PRELID2: variants seen among roughly 807,000 people sequenced by gnomAD.
PRELID2 encodes the protein PRELI domain-containing protein 2.
In PRELID2, 25 loss-of-function variants were observed where a neutral mutation model predicts 28.4. The observed-to-expected ratio is 0.88, with a 90% CI of 0.64 to 1.23. PRELID2 has a LOEUF of 1.23. PRELID2 is among the 50% of genes most tolerant of loss of function. The pLI is 0.00. For synonymous variants in PRELID2, 76 were observed against 71.6 expected (o/e 1.06, Z -0.31); for missense variants, 201 against 214.4 (o/e 0.94, Z 0.39).
chr5:145,443,788 C>T, the PRELID2 span, among the ~76,000 whole-genome samples: 1 of 152,118 alleles, frequency 6.6e-6, no homozygotes, highest in East Asian at 1.9e-4. Flanking sequence ...GTGACTTTCC[C>T]AGGCTCACAT....
intron 1 of PRELID2, among the ~76,000 whole-genome samples, chr5:145,640,961 G>A (rs1440454355): frequency 6.6e-6 from 1 of 152,152 alleles, no homozygotes; most frequent in Non-Finnish European, 1.5e-5. Context: ...TGATCTCAAT[G>A]TTGTAAAATA....
At chr5:145,606,261 C>G (rs1405601718) in intron 1 of PRELID2, among the ~76,000 whole-genome samples, 1 of 152,096 alleles carries the variant, frequency 6.6e-6, no homozygotes, top group Non-Finnish European at 1.5e-5. Flanking sequence ...CCTTTTATCT[C>G]TTTCTCTTGC....
the PRELID2 span, among the ~76,000 whole-genome samples, chr5:145,396,615 G>T: frequency 7.2e-5 from 11 of 151,910 alleles, no homozygotes; most frequent in Admixed American, 7.2e-4. Context: ...CTAAATATGA[G>T]ACTTCCATTA....
At chr5:145,626,451 G>A (rs572362907) in intron 1 of PRELID2, among the ~76,000 whole-genome samples, 2 of 152,126 alleles carry the variant, frequency 1.3e-5, no homozygotes, top group South Asian at 2.1e-4. Flanking sequence ...CCAGAGAAAT[G>A]TAAATTAAAA....
intron 5 of PRELID2, among the ~76,000 whole-genome samples, chr5:145,772,988 T>C (rs754395471): frequency 1.3e-5 from 2 of 152,230 alleles, no homozygotes; most frequent in African/African-American, 2.4e-5. Flanking sequence ...TTGAGTAAGA[T>C]TCATTTTTAT....
the PRELID2 span, among the ~76,000 whole-genome samples, chr5:145,250,072 A>G: frequency 1.3e-5 from 2 of 152,106 alleles, no homozygotes; most frequent in Non-Finnish European, 2.9e-5. Flanking sequence ...GAATTTTTCA[A>G]CGATGTTGCT....
chr5:145,568,455 C>A (rs1307734086), intron 1 of PRELID2, among the ~76,000 whole-genome samples: 1 of 152,154 alleles, frequency 6.6e-6, no homozygotes, highest in Non-Finnish European at 1.5e-5. Flanking sequence ...TCTAAATCAA[C>A]CAACTAATTA....
chr5:145,616,054 C>G (rs1753693657), intron 1 of PRELID2, among the ~76,000 whole-genome samples: 1 of 152,164 alleles, frequency 6.6e-6, no homozygotes, highest in African/African-American at 2.4e-5. Flanking sequence ...TTTGAGGAGG[C>G]TGAAGATAGG....
At position 145,712,499 on chromosome 5, in the gene PRELID2, C is replaced by T. The variant is rs1000595140; in HGVS notation, n.70+52432G>A. Reference sequence around the variant, plus strand: ...TCCAGGTGTTAAACATCAACTAGCCCGCCACTGATAAATTAGATTGACCAG... The same window carrying T: ...TCCAGGTGTTAAACATCAACTAGCCTGCCACTGATAAATTAGATTGACCAG... On this transcript the variant is annotated intron_variant and non_coding_transcript_variant, in intron 1 of 2. Coordinates refer to the PRELID2 transcript ENST00000510259. Among the ~76,000 whole-genome samples, 5 of 152,152 alleles carry T rather than the reference C, an allele frequency of 3.3e-5. No homozygotes were observed. The South Asian group carries it at 6.2e-4, about 19-fold the overall frequency.
At chr5:145,424,997 A>C in the PRELID2 span, among the ~76,000 whole-genome samples, 1 of 152,188 alleles carries the variant, frequency 6.6e-6, no homozygotes, top group Non-Finnish European at 1.5e-5. Context: ...TACAGAGAGA[A>C]AACTTTTGCA....
chr5:145,372,980 A>G, the PRELID2 span, among the ~76,000 whole-genome samples: 2 of 86,056 alleles, frequency 2.3e-5, 1 homozygote. Context: ...TATAATATAT[A>G]TGATATTATA....
At chr5:145,418,873 T>C in the PRELID2 span, among the ~76,000 whole-genome samples, 3 of 140,514 alleles carry the variant, frequency 2.1e-5, no homozygotes, top group Non-Finnish European at 3.1e-5. Context: ...ATGCTATCCC[T>C]CCCCCCTACC....
chr5:145,391,502 C>T, the PRELID2 span, among the ~76,000 whole-genome samples: 3 of 152,150 alleles, frequency 2.0e-5, no homozygotes, highest in Non-Finnish European at 2.9e-5. Context: ...GATCGCATGG[C>T]CTGGCCCTGG....
At chr5:145,800,988 C>T (rs1753098598) in intron 4 of PRELID2, among the ~76,000 whole-genome samples, 1 of 151,984 alleles carries the variant, frequency 6.6e-6, no homozygotes, top group Non-Finnish European at 1.5e-5. Flanking sequence ...GATGGATGGA[C>T]AGACGGACGG....
chr5:145,233,962 T>C, the PRELID2 span, among the ~76,000 whole-genome samples: 34 of 152,336 alleles, frequency 2.2e-4, no homozygotes, highest in African/African-American at 7.9e-4. Context: ...ACCACACTGC[T>C]TTCAGAGTCT....
Position 145,741,581 on chromosome 5 carries a change from A to ATTTT in PRELID2, n.70+23349_70+23350insAAAA, listed in dbSNP as rs1561568070. On this transcript the variant is annotated intron_variant and non_coding_transcript_variant, in intron 1 of 2. Coordinates refer to the PRELID2 transcript ENST00000510259. The stretch of plus-strand genomic sequence containing the variant: ...TTATATATAAAATTTATTTATAAAT[A>ATTTT]ATTTATATATAAAATTTATTTATAA... Among the ~76,000 whole-genome samples the ATTTT allele has an allele frequency of 3.7e-4, 3 of 8,096 alleles. 1 individual carries two copies. Among genetic ancestry groups the ATTTT allele is most frequent in the Non-Finnish European group, 1.3e-3 (2 of 1,560 alleles). The allele number at this position is 8,096 out of a possible 152,430, so 5.3% of individuals were successfully genotyped here.
At chr5:145,321,888 G>A in the PRELID2 span, among the ~76,000 whole-genome samples, 1 of 152,152 alleles carries the variant, frequency 6.6e-6, no homozygotes, top group African/African-American at 2.4e-5. Flanking sequence ...ACATGCAGGT[G>A]GCCCAATCCA....
intron 1 of PRELID2, among the ~76,000 whole-genome samples, chr5:145,598,690 C>G (rs1280909366): frequency 6.6e-6 from 1 of 152,054 alleles, no homozygotes; most frequent in Non-Finnish European, 1.5e-5. Flanking sequence ...TTTCTTGGCT[C>G]TGGGGATAGA....
intron 1 of PRELID2, among the ~76,000 whole-genome samples, chr5:145,626,654 A>G (rs1753849990): frequency 6.6e-6 from 1 of 152,216 alleles, no homozygotes; most frequent in Non-Finnish European, 1.5e-5. Context: ...CCTACAATCC[A>G]GCAATCCCAC....
Sources: allele counts gnomAD v4.1 joint callset (sites outside exome capture counted in the v4.1 genomes callset), GRCh38; gene constraint gnomAD v4.1.1; transcripts MANE v1.5; gene names NCBI Gene and HGNC (gene_info 2026-07-23, HGNC 2026-07-21).